CXCL13: variants seen among roughly 807,000 people sequenced by gnomAD.
The protein encoded by CXCL13 is C-X-C motif chemokine ligand 13, also known as C-X-C motif chemokine 13.
CXCL13 carries 7 observed loss-of-function variants against 12.2 expected under a neutral mutation model. The observed-to-expected ratio is 0.57, with a 90% confidence interval of 0.33 to 1.07. The LOEUF (loss-of-function observed/expected upper bound fraction) is 1.07. Among genes scored for constraint, CXCL13 ranks in the 50% least tolerant of loss-of-function variants. CXCL13 has a pLI of 0.04. For missense variants in CXCL13, 113 were observed against 127.4 expected (o/e 0.89, Z 0.55); for synonymous variants, 47 against 42.4 (o/e 1.11, Z -0.42).
chr4:77,521,107 G>C (rs1724583740), intron 1 of CXCL13, among the ~76,000 whole-genome samples: 1 of 152,172 alleles, frequency 6.6e-6, no homozygotes, highest in South Asian at 2.1e-4. Flanking sequence ...TGTGCTGCTG[G>C]ATTTGGTTTG....
chr4:77,566,804 C>A (rs183627348), intron 1 of CXCL13, among the ~76,000 whole-genome samples: 12 of 152,120 alleles, frequency 7.9e-5, no homozygotes, highest in African/African-American at 1.2e-4. Context: ...AACAACACAA[C>A]CTTAAGAATG....
intron 1 of CXCL13, among the ~76,000 whole-genome samples, chr4:77,587,703 A>G (rs961334955): frequency 1.2e-4 from 18 of 152,240 alleles, no homozygotes; most frequent in Non-Finnish European, 2.9e-5. Flanking sequence ...TAACATACCC[A>G]AGGCCATGAA....
chr4:77,547,262 T>C (rs1725389033), intron 1 of CXCL13, among the ~76,000 whole-genome samples: 1 of 152,244 alleles, frequency 6.6e-6, no homozygotes, highest in Non-Finnish European at 1.5e-5. Flanking sequence ...GGTGCAGAGC[T>C]GAGTTCAATT....
intron 1 of CXCL13, among the ~76,000 whole-genome samples, chr4:77,544,828 A>G (rs1257416350): frequency 6.6e-6 from 1 of 152,146 alleles, no homozygotes; most frequent in Non-Finnish European, 1.5e-5. Flanking sequence ...GTCCATGCCT[A>G]TGTCCTGAAT....
At chr4:77,525,728 T>C (rs1474663522) in intron 1 of CXCL13, among the ~76,000 whole-genome samples, 1 of 152,246 alleles carries the variant, frequency 6.6e-6, no homozygotes, top group African/African-American at 2.4e-5. Context: ...AAGGCAAACA[T>C]GACATAAGGA....
chr4:77,517,470 G>A (rs1055601047), intron 1 of CXCL13, among the ~76,000 whole-genome samples: 4 of 152,172 alleles, frequency 2.6e-5, no homozygotes, highest in African/African-American at 9.7e-5. Flanking sequence ...CTCAGGGCTT[G>A]CTTTATGAAT....
intron 1 of CXCL13, among the ~76,000 whole-genome samples, chr4:77,594,029 C>T (rs1206227831): frequency 6.6e-6 from 1 of 152,190 alleles, no homozygotes; most frequent in Non-Finnish European, 1.5e-5. Context: ...ATAATGAAAG[C>T]CATGCCGTAG....
chr4:77,520,323 G>C (rs1724558703), intron 1 of CXCL13, among the ~76,000 whole-genome samples: 1 of 152,176 alleles, frequency 6.6e-6, no homozygotes, highest in African/African-American at 2.4e-5. Flanking sequence ...CCATTTTCAA[G>C]ATATTGATTC....
intron 1 of CXCL13, among the ~76,000 whole-genome samples, chr4:77,592,480 A>C (rs1726637796): frequency 1.3e-5 from 2 of 152,196 alleles, no homozygotes; most frequent in African/African-American, 4.8e-5. Flanking sequence ...GTTTAACAGG[A>C]GGACTAAATG....
In CXCL13 at chr4:77,540,613, T is replaced by C. The variant is rs187965123; in HGVS notation, c.-43+28825T>C. ...AAAGGCCACAATGTCTTTCTTTTTA[T>C]GGCTGTGTAGTACTCTATGGTGTAT... On this transcript the variant is annotated intron_variant, in intron 1 of 4. Coordinates refer to the CXCL13 transcript ENST00000286758. 1.1e-3 allele frequency among the ~76,000 whole-genome samples: 164 copies of C among 152,328 alleles called. 1 individual carries two copies. Among genetic ancestry groups the C allele is most frequent in the African/African-American group, 3.8e-3 (159 of 41,570 alleles).
chr4:77,568,851 A>T (rs1354780907), intron 1 of CXCL13, among the ~76,000 whole-genome samples: 1 of 151,594 alleles, frequency 6.6e-6, no homozygotes, highest in South Asian at 2.1e-4. Context: ...CTTGTTTTCT[A>T]CCCTAAAGTT....
At chr4:77,555,203 A>G (rs1725633257) in intron 1 of CXCL13, among the ~76,000 whole-genome samples, 1 of 152,038 alleles carries the variant, frequency 6.6e-6, no homozygotes, top group Admixed American at 6.5e-5. Context: ...GATATGAGTT[A>G]CTAAATTCAG....
At chr4:77,604,855 C>T (rs1726967591), upstream of CXCL13, among the ~76,000 whole-genome samples, 1 of 152,182 alleles carries the variant, frequency 6.6e-6, no homozygotes, top group Non-Finnish European at 1.5e-5. Context: ...CTTAGCAGAT[C>T]AGTGGGTCTG....
At chr4:77,543,993 T>C (rs1725286637) in intron 1 of CXCL13, among the ~76,000 whole-genome samples, 1 of 152,048 alleles carries the variant, frequency 6.6e-6, no homozygotes, top group African/African-American at 2.4e-5. Flanking sequence ...TGAGAACATA[T>C]GGTGTTTGGT....
At chr4:77,580,304 CTTTCTTTTTTTTTTT>C (rs1726290588) in intron 1 of CXCL13, among the ~76,000 whole-genome samples, 2 of 8,008 alleles carry the variant, frequency 2.5e-4, no homozygotes, top group South Asian at 7.4e-3. Context: ...GACAAGTTTT[CTTTCTTTTTTTTTTT>C]TTTTTTTTTT....
Position 77,605,877 on chromosome 4 carries a change from C to A in CXCL13, c.12C>A (p.Ile4=). The change falls in exon 1 of 4, where the codon ATC becomes ATA. Residue 4 remains isoleucine (I), a synonymous_variant. Coordinates refer to ENST00000682537, the MANE Select transcript of CXCL13 (RefSeq NM_001371558.1). ...TACCTCCAGACAGAATGAAGTTCAT[C>A]TCGACATCTCTGCTTCTCATGCTGC... MKF[I]STSLLLMLLV... 6.2e-7 allele frequency: 1 copy of A among 1,606,330 alleles called. No homozygotes were observed. Among genetic ancestry groups the A allele is most frequent in the Non-Finnish European group, 8.5e-7 (1 of 1,175,140 alleles).
At chr4:77,536,074 C>T (rs1043130907) in intron 1 of CXCL13, among the ~76,000 whole-genome samples, 1 of 152,104 alleles carries the variant, frequency 6.6e-6, no homozygotes, top group Non-Finnish European at 1.5e-5. Context: ...CTGGTGCTCC[C>T]CATTGGCCAA....
intron 1 of CXCL13, among the ~76,000 whole-genome samples, chr4:77,570,293 A>G (rs1366405775): frequency 6.6e-6 from 1 of 152,262 alleles, no homozygotes; most frequent in African/African-American, 2.4e-5. Context: ...AAAGAGCTTC[A>G]GCACAGCAAA....
At chr4:77,608,035 T>C (rs1250196434) in intron 2 of CXCL13, among the ~76,000 whole-genome samples, 200 bp downstream of exon 2, 1 of 152,212 alleles carries the variant, frequency 6.6e-6, no homozygotes, top group Non-Finnish European at 1.5e-5. Flanking sequence ...TACATGCACA[T>C]ACTCATTTTC....
Sources: allele counts gnomAD v4.1 joint callset (sites outside exome capture counted in the v4.1 genomes callset), GRCh38; gene constraint gnomAD v4.1.1; transcripts MANE v1.5; gene names NCBI Gene and HGNC (gene_info 2026-07-23, HGNC 2026-07-21).